Variants in CERS6 observed in about 807,000 individuals in gnomAD.
CERS6 encodes the protein LAG1 homolog, ceramide synthase 6.
Under a neutral mutation model 56.8 loss-of-function variants are expected in CERS6, and 26 were observed. The observed-to-expected ratio is 0.46, with a 90% CI of 0.34 to 0.63. CERS6 has a LOEUF of 0.63. CERS6 is among the 30% of genes least tolerant of loss of function. CERS6 has a pLI of 0.01. For synonymous variants in CERS6, 164 were observed against 173.3 expected, an observed-to-expected ratio of 0.95 and a Z score of 0.42; for missense variants, 415 against 467.5, an observed-to-expected ratio of 0.89 and a Z score of 1.04.
intron 3 of CERS6, among the ~76,000 whole-genome samples, chr2:168,623,798 A>G (rs563784290): frequency 6.6e-6 from 1 of 152,298 alleles, no homozygotes; most frequent in African/African-American, 2.4e-5. Context: ...CACTTGTGGC[A>G]TAGTTACCCA....
intron 4 of CERS6, among the ~76,000 whole-genome samples, chr2:168,665,930 A>AT (rs1386389620): frequency 6.8e-6 from 1 of 148,080 alleles, no homozygotes; most frequent in Non-Finnish European, 1.5e-5. Context: ...GGTTTTAAGA[A>AT]TTTTTTTAAA....
intron 3 of CERS6, among the ~76,000 whole-genome samples, chr2:168,598,507 G>A (rs1683855629): frequency 6.6e-6 from 1 of 151,772 alleles, no homozygotes; most frequent in Non-Finnish European, 1.5e-5. Flanking sequence ...AAAAATAGTG[G>A]TTTACTGGAA....
At chr2:168,460,840 C>T (rs983190361) in intron 1 of CERS6, among the ~76,000 whole-genome samples, 4 of 151,944 alleles carry the variant, frequency 2.6e-5, no homozygotes, top group Non-Finnish European at 4.4e-5. Flanking sequence ...TCACTCAGCC[C>T]AAGAATGATC....
At chr2:168,636,052 C>T (rs12474426) in intron 4 of CERS6, among the ~76,000 whole-genome samples, 78,365 of 151,950 alleles carry the variant, frequency 0.52, 23,737 homozygotes, top group Middle Eastern at 0.72. Flanking sequence ...CTTAAAATTG[C>T]TTGGACTATG....
intron 3 of CERS6, among the ~76,000 whole-genome samples, chr2:168,607,732 G>A (rs1297420238): frequency 6.6e-6 from 1 of 151,850 alleles, no homozygotes; most frequent in Non-Finnish European, 1.5e-5. Context: ...TCTTTTCAGG[G>A]GTTAATAAAG....
intron 6 of CERS6, among the ~76,000 whole-genome samples, chr2:168,699,615 A>G (rs1237986304): frequency 6.6e-6 from 1 of 151,946 alleles, no homozygotes; most frequent in Non-Finnish European, 1.5e-5. Context: ...AAATTGCTGT[A>G]TTTCCATATA....
In CERS6 at chr2:168,627,230, C is replaced by A. The variant is rs181912083; in HGVS notation, c.408-3755C>A. ...TGCTAAATATTTTGTATTAAATTATCCCTTAAAAACAAGAGCATTTAATTT... is the reference window on the plus strand; with the variant it reads ...TGCTAAATATTTTGTATTAAATTATACCTTAAAAACAAGAGCATTTAATTT... On this transcript the variant is annotated intron_variant, in intron 3 of 9. Transcript: ENST00000305747. Among the ~76,000 whole-genome samples, 527 of 152,160 alleles carry A rather than the reference C, an allele frequency of 3.5e-3. 5 individuals carry two copies. The highest frequency in any genetic ancestry group is 0.012 in the African/African-American group (506 of 41,550).
At chr2:168,682,891 C>T (rs746549670) in intron 4 of CERS6, among the ~76,000 whole-genome samples, 11 of 152,158 alleles carry the variant, frequency 7.2e-5, no homozygotes, top group African/African-American at 1.2e-4. Context: ...ATCTCAGTGA[C>T]TCTTTCTAGA....
At chr2:168,598,584 G>A (rs1197894446) in intron 3 of CERS6, among the ~76,000 whole-genome samples, 7 of 151,794 alleles carry the variant, frequency 4.6e-5, no homozygotes. Context: ...ATTAATATGT[G>A]GCAATCCAAG....
chr2:168,629,710 A>T (rs933592632), intron 3 of CERS6, among the ~76,000 whole-genome samples: 1 of 152,166 alleles, frequency 6.6e-6, no homozygotes, highest in Non-Finnish European at 1.5e-5. Context: ...CCCTGGTTTT[A>T]ATTTTTGATC....
At chr2:168,525,208 T>A (rs936040806) in intron 1 of CERS6, among the ~76,000 whole-genome samples, 4 of 152,240 alleles carry the variant, frequency 2.6e-5, no homozygotes, top group Non-Finnish European at 5.9e-5. Flanking sequence ...AGCTTCAGCA[T>A]GCCTCGGGAT....
chr2:168,598,274 G>A (rs1683849053), intron 3 of CERS6, among the ~76,000 whole-genome samples: 1 of 152,168 alleles, frequency 6.6e-6, no homozygotes, highest in African/African-American at 2.4e-5. Flanking sequence ...TAAAGTGCTT[G>A]AGAGAGTAGT....
intron 4 of CERS6, among the ~76,000 whole-genome samples, chr2:168,687,116 C>A (rs906236083): frequency 2.6e-5 from 4 of 152,240 alleles, no homozygotes; most frequent in Admixed American, 2.0e-4. Flanking sequence ...GGCACCGTCC[C>A]CAAGTGACAC....
chr2:168,679,686 A>C (rs1432521120), intron 4 of CERS6, among the ~76,000 whole-genome samples: 1 of 152,218 alleles, frequency 6.6e-6, no homozygotes. Flanking sequence ...AGAGGCTTGG[A>C]ATCAGGTCAT....
At chr2:168,651,927 A>G (rs559807487) in intron 4 of CERS6, among the ~76,000 whole-genome samples, 2 of 152,336 alleles carry the variant, frequency 1.3e-5, no homozygotes, top group South Asian at 2.1e-4. Context: ...AGGCCCTGCT[A>G]CAATAGTGAT....
chr2:168,633,585 G>A (rs1684798451), intron 4 of CERS6, among the ~76,000 whole-genome samples: 1 of 151,868 alleles, frequency 6.6e-6, no homozygotes, highest in African/African-American at 2.4e-5. Flanking sequence ...TCCTTCTTTG[G>A]GTAGCAGGCT....
chr2:168,457,859 A>G (rs1028843341), intron 1 of CERS6, among the ~76,000 whole-genome samples: 2 of 152,218 alleles, frequency 1.3e-5, no homozygotes, highest in Non-Finnish European at 2.9e-5. Flanking sequence ...TGTCTCAGGA[A>G]GGTATATTTT....
At chr2:168,525,827 A>G (rs1296152420) in intron 1 of CERS6, among the ~76,000 whole-genome samples, 1 of 152,152 alleles carries the variant, frequency 6.6e-6, no homozygotes. Flanking sequence ...CATTTAAGTC[A>G]CTCTATGAGC....
chr2:168,547,927 A>T (rs1398239574), intron 2 of CERS6, among the ~76,000 whole-genome samples: 1 of 152,204 alleles, frequency 6.6e-6, no homozygotes, highest in African/African-American at 2.4e-5. Flanking sequence ...CTCACCTGAG[A>T]ATAGTCTTGA....
Sources: allele counts gnomAD v4.1 joint callset (sites outside exome capture counted in the v4.1 genomes callset), GRCh38; gene constraint gnomAD v4.1.1; transcripts MANE v1.5; gene names NCBI Gene and HGNC (gene_info 2026-07-23, HGNC 2026-07-21).